PPP1R12B: variants seen among roughly 807,000 people sequenced by gnomAD.
The protein encoded by PPP1R12B is protein phosphatase 1 regulatory subunit 12B, also known as myosin phosphatase target subunit 2.
A neutral mutation model predicts 126.1 loss-of-function variants in PPP1R12B; 76 were observed. The observed-to-expected ratio is 0.60, with a 90% CI of 0.50 to 0.73. The LOEUF is 0.73. PPP1R12B is among the 30% of genes least tolerant of loss of function. The pLI, the probability that PPP1R12B is intolerant of heterozygous loss-of-function variation, is 0.00. For synonymous variants in PPP1R12B, 356 were observed against 434.7 expected (o/e 0.82, Z 2.25); for missense variants, 1,052 against 1,205.1 (o/e 0.87, Z 1.88).
At chr1:202,578,397 GCAGATTGAA>G (rs1689286377) in intron 23 of PPP1R12B, among the ~76,000 whole-genome samples, 1 of 152,166 alleles carries the variant, frequency 6.6e-6, no homozygotes, top group South Asian at 2.1e-4. Flanking sequence ...GCGTTAAAGA[GCAGATTGAA>G]CACGGAAACA....
intron 12 of PPP1R12B, chr1:202,445,001 G>A (rs1400682459): frequency 3.2e-6 from 4 of 1,241,198 alleles, no homozygotes; most frequent in African/African-American, 1.6e-5. Context: ...GAAATGGTGG[G>A]TGAGCAGCAT....
At chr1:202,442,416 A>G in intron 11 of PPP1R12B, 31 bp from the exon 12 acceptor site, 2 of 1,595,106 alleles carry the variant, frequency 1.3e-6, no homozygotes, top group Non-Finnish European at 1.7e-6. Context: ...GGTAGGAATC[A>G]GTGTTTTGTT....
rs139645111 is a variant in PPP1R12B at position 202,490,661 on chromosome 1, G to C, written c.1941+2038G>C. 2.3e-3 allele frequency among the ~76,000 whole-genome samples: 348 copies of C among 152,288 alleles called. 2 individuals are homozygous for C. Among genetic ancestry groups the C allele is most frequent in the Non-Finnish European group, 4.6e-3 (310 of 68,022 alleles). ...CTCCCCATTTCCCTCTGGCAACGCT[G>C]CTTCCACTTTCTGTCTATGAACTTG... On this transcript the variant is annotated intron_variant, in intron 14 of 23. Coordinates refer to ENST00000608999, the MANE Select transcript of PPP1R12B (RefSeq NM_002481.4).
intron 18 of PPP1R12B, among the ~76,000 whole-genome samples, chr1:202,523,965 G>A (rs1345264927): frequency 1.3e-5 from 2 of 152,156 alleles, no homozygotes; most frequent in African/African-American, 2.4e-5. Flanking sequence ...TGCCTGCCTC[G>A]GCCTCCCAAA....
At chr1:202,446,230 CTCTCTCTATA>C (rs1207172664) in intron 12 of PPP1R12B, among the ~76,000 whole-genome samples, 1 of 74,636 alleles carries the variant, frequency 1.3e-5, no homozygotes, top group Admixed American at 1.8e-4. Flanking sequence ...CTCTCTCTCT[CTCTCTCTATA>C]TATATATATA....
intron 13 of PPP1R12B, among the ~76,000 whole-genome samples, chr1:202,484,451 T>A (rs971249222): frequency 6.6e-6 from 1 of 152,244 alleles, no homozygotes; most frequent in Non-Finnish European, 1.5e-5. Flanking sequence ...TAGCTACTAA[T>A]TGTAAGTGTC....
At chr1:202,351,610 C>T (rs936657647) in intron 1 of PPP1R12B, among the ~76,000 whole-genome samples, 2 of 152,206 alleles carry the variant, frequency 1.3e-5, no homozygotes, top group Non-Finnish European at 2.9e-5. Flanking sequence ...GTAGCTGAAC[C>T]ACCTACTTTA....
chr1:202,455,550 TC>T (rs1336399559), intron 13 of PPP1R12B, among the ~76,000 whole-genome samples: 1 of 152,252 alleles, frequency 6.6e-6, no homozygotes, highest in Admixed American at 6.5e-5. Context: ...AGTACTTTAT[TC>T]CTTTACATGG....
At chr1:202,476,549 G>T (rs1349171610) in intron 13 of PPP1R12B, among the ~76,000 whole-genome samples, 1 of 151,786 alleles carries the variant, frequency 6.6e-6, no homozygotes, top group Non-Finnish European at 1.5e-5. Context: ...TGGGCCTGGT[G>T]GCACATGCCT....
At chr1:202,481,005 T>C (rs1026218149) in intron 13 of PPP1R12B, among the ~76,000 whole-genome samples, 2 of 152,160 alleles carry the variant, frequency 1.3e-5, no homozygotes, top group African/African-American at 4.8e-5. Context: ...AGTGATGGTT[T>C]TGGGTAAAAC....
In PPP1R12B at chr1:202,348,987, C is replaced by A. The variant is rs1226170657; in HGVS notation, c.136C>A (p.Leu46Met). 12 of 1,605,616 alleles carry A rather than the reference C, an allele frequency of 7.5e-6. No homozygotes were observed. The highest frequency in any genetic ancestry group is 1.7e-4 in the Middle Eastern group (1 of 5,972). ...GCGACGAGGCGCGGGGCGGCAGCCGCTGACCAGGCGCGGGAGCCCCAGGGT... is the reference window on the plus strand; with the variant it reads ...GCGACGAGGCGCGGGGCGGCAGCCGATGACCAGGCGCGGGAGCCCCAGGGT... ...AERRGAGRQP[L>M]TRRGSPRVRF... The change falls in exon 1 of 24, where the codon CTG (leucine) becomes ATG (methionine). Residue 46 changes from leucine (L) to methionine (M), a missense_variant. Transcript: ENST00000608999.
At chr1:202,401,324 G>A (rs1184960047) in intron 1 of PPP1R12B, among the ~76,000 whole-genome samples, 1 of 147,952 alleles carries the variant, frequency 6.8e-6, no homozygotes, top group Non-Finnish European at 1.5e-5. Context: ...CGAGTAGCTA[G>A]GACTACAGTT....
At chr1:202,359,078 G>A (rs1657651740) in intron 1 of PPP1R12B, among the ~76,000 whole-genome samples, 1 of 151,982 alleles carries the variant, frequency 6.6e-6, no homozygotes, top group African/African-American at 2.4e-5. Context: ...GGCCAATCTT[G>A]TTTCATTTAT....
In PPP1R12B at chr1:202,428,878, T is replaced by C. The variant is rs1333353546; in HGVS notation, c.870T>C (p.Ala290=). The C allele has an allele frequency of 6.2e-7, 1 of 1,607,210 alleles. No homozygotes were observed. The highest frequency in any genetic ancestry group is 1.3e-5 in the African/African-American group (1 of 74,680). ...AGGGCCAGACACCATTTGATGTGGC[T>C]GATGAGGGTCTCGTGGAGCATTTGG... ...NKLGQTPFDV[A]DEGLVEHLEL... is the part of the protein sequence containing the mutation. The change falls in exon 6 of 24, where the codon GCT becomes GCC. Residue 290 remains alanine (A), a synonymous_variant. Coordinates refer to ENST00000608999, the MANE Select transcript of PPP1R12B (RefSeq NM_002481.4).
At chr1:202,431,406 T>G in intron 7 of PPP1R12B, 74 bp from the exon 8 acceptor site, 1 of 1,274,752 alleles carries the variant, frequency 7.8e-7, no homozygotes, top group Non-Finnish European at 1.1e-6. Flanking sequence ...CACATATAGG[T>G]TTATAGACTT....
chr1:202,444,712 C>A (rs3767425), intron 12 of PPP1R12B, among the ~76,000 whole-genome samples: 65,686 of 151,894 alleles, frequency 0.43, 15,552 homozygotes, highest in East Asian at 0.7. Flanking sequence ...CCTATTATTC[C>A]CTTTCTTAGC....
intron 19 of PPP1R12B, among the ~76,000 whole-genome samples, chr1:202,561,724 G>T (rs1344121326): frequency 6.6e-6 from 1 of 152,206 alleles, no homozygotes; most frequent in African/African-American, 2.4e-5. Context: ...GAAAAAGAAT[G>T]TTTTGAAGAA....
At chr1:202,447,204 A>G (rs1672399729) in intron 12 of PPP1R12B, among the ~76,000 whole-genome samples, 1 of 152,212 alleles carries the variant, frequency 6.6e-6, no homozygotes, top group Non-Finnish European at 1.5e-5. Flanking sequence ...ATGCATACAT[A>G]TATCATCTAT....
At chr1:202,553,787 G>T (rs762990731) in intron 18 of PPP1R12B, among the ~76,000 whole-genome samples, 5 of 152,062 alleles carry the variant, frequency 3.3e-5, no homozygotes, top group Non-Finnish European at 7.4e-5. Flanking sequence ...TTCTCTGGGA[G>T]AAGCTTCAGT....
Sources: gnomAD v4.1 joint callset for allele counts (sites outside exome capture counted in the v4.1 genomes callset) on GRCh38, gnomAD v4.1.1 for gene constraint, MANE v1.5 for transcripts, NCBI Gene and HGNC (gene_info 2026-07-23, HGNC 2026-07-21) for gene names.